AP4E1: variants seen among roughly 807,000 people sequenced by gnomAD.
AP4E1 encodes adaptor related protein complex 4 subunit epsilon 1, also known as AP-4 complex subunit epsilon-1.
A neutral mutation model predicts 128.2 loss-of-function variants in AP4E1; 56 were observed. The observed-to-expected ratio is 0.44, with a 90% CI of 0.35 to 0.55. The LOEUF (loss-of-function observed/expected upper bound fraction) is 0.55. AP4E1 is among the 20% of genes least tolerant of loss of function. The pLI, the probability that AP4E1 is intolerant of heterozygous loss-of-function variation, is 0.00. For synonymous variants in AP4E1, 484 were observed against 473.1 expected, an observed-to-expected ratio of 1.02 and a Z score of -0.30; for missense variants, 1,324 against 1,307.7, an observed-to-expected ratio of 1.01 and a Z score of -0.19.
At chr15:50,961,413 T>C (rs1403324643) in intron 14 of AP4E1, among the ~76,000 whole-genome samples, 2 of 151,970 alleles carry the variant, frequency 1.3e-5, no homozygotes, top group Non-Finnish European at 2.9e-5. Context: ...TACACTATGA[T>C]CAAGTGGAAT....
intron 16 of AP4E1, among the ~76,000 whole-genome samples, 194 bp downstream of exon 16, chr15:50,984,339 G>A (rs2064686357): frequency 6.6e-6 from 1 of 151,752 alleles, no homozygotes; most frequent in East Asian, 1.9e-4. Context: ...AAGTTCTAGG[G>A]TACAGGTTCA....
chr15:51,000,542 C>T (rs2064948928), intron 19 of AP4E1, among the ~76,000 whole-genome samples: 1 of 152,138 alleles, frequency 6.6e-6, no homozygotes, highest in Admixed American at 6.6e-5. Context: ...CTTCAAAAAA[C>T]TTACGTTGTG....
At chr15:50,960,861 A>G (rs1037189141) in intron 14 of AP4E1, among the ~76,000 whole-genome samples, 2 of 152,040 alleles carry the variant, frequency 1.3e-5, no homozygotes, top group Non-Finnish European at 2.9e-5. Flanking sequence ...TGAACAATAA[A>G]CAAAATTGAT....
intron 18 of AP4E1, among the ~76,000 whole-genome samples, chr15:50,998,561 C>T (rs934298660): frequency 1.3e-5 from 2 of 151,852 alleles, no homozygotes; most frequent in Non-Finnish European, 2.9e-5. Flanking sequence ...ACCTGGGAGA[C>T]GGAGGTTGCA....
chr15:50,961,407 C>G (rs2064311613), intron 14 of AP4E1, among the ~76,000 whole-genome samples: 1 of 151,770 alleles, frequency 6.6e-6, no homozygotes, highest in Non-Finnish European at 1.5e-5. Flanking sequence ...AGATAATACA[C>G]TATGATCAAG....
upstream of AP4E1, among the ~76,000 whole-genome samples, chr15:50,907,628 A>G (rs927323216): frequency 6.6e-6 from 1 of 152,158 alleles, no homozygotes; most frequent in Non-Finnish European, 1.5e-5. Flanking sequence ...TACCTTAGAA[A>G]ATTCTAGAAA....
chr15:50,998,839 C>A (rs531660686), intron 18 of AP4E1, among the ~76,000 whole-genome samples: 57 of 152,252 alleles, frequency 3.7e-4, no homozygotes, highest in Admixed American at 3.9e-4. Flanking sequence ...ACAGTTTTAA[C>A]TGTAATGCCA....
At chr15:50,941,183 G>A (rs2063981589) in intron 8 of AP4E1, among the ~76,000 whole-genome samples, 1 of 152,074 alleles carries the variant, frequency 6.6e-6, no homozygotes, top group Admixed American at 6.6e-5. Flanking sequence ...CATGGGAGGT[G>A]TTCAGTAAAT....
chr15:50,915,755 A>G (rs2063622989), intron 3 of AP4E1, 184 bp downstream of exon 3: 1 of 697,510 alleles, frequency 1.4e-6, no homozygotes, highest in South Asian at 2.0e-5. Flanking sequence ...TTCCTGATGC[A>G]TAGCATTTTG....
intron 15 of AP4E1, among the ~76,000 whole-genome samples, chr15:50,976,216 G>A (rs530849953): frequency 4.0e-4 from 61 of 152,212 alleles, no homozygotes; most frequent in African/African-American, 1.4e-3. Flanking sequence ...GGGATCCAAG[G>A]ATGGTTCAAC....
At chr15:50,941,881 G>C (rs1000988261) in intron 10 of AP4E1, 106 bp downstream of exon 10, 2 of 803,942 alleles carry the variant, frequency 2.5e-6, no homozygotes, top group South Asian at 1.5e-5. Flanking sequence ...ATGTTTGCTC[G>C]TGTGTATATT....
At chr15:50,922,234 G>A (rs2063713723) in intron 3 of AP4E1, among the ~76,000 whole-genome samples, 1 of 151,798 alleles carries the variant, frequency 6.6e-6, no homozygotes, top group African/African-American at 2.4e-5. Context: ...TTGGGAGGCT[G>A]AGGTGAAGGA....
intron 15 of AP4E1, among the ~76,000 whole-genome samples, chr15:50,976,334 A>G (rs1264582224): frequency 1.3e-5 from 2 of 152,228 alleles, no homozygotes; most frequent in African/African-American, 2.4e-5. Flanking sequence ...ATACCCTTTC[A>G]TGATTAAAAA....
intron 1 of AP4E1, 45 bp downstream of exon 1, chr15:50,908,973 C>A (rs995994792): frequency 2.4e-5 from 38 of 1,604,778 alleles, no homozygotes; most frequent in Non-Finnish European, 3.2e-5. Flanking sequence ...CGGAGTGAGG[C>A]CCCCGCGCCA....
intron 2 of AP4E1, among the ~76,000 whole-genome samples, chr15:50,914,947 T>A (rs1263972419): frequency 6.6e-6 from 1 of 152,204 alleles, no homozygotes; most frequent in Admixed American, 6.5e-5. Context: ...TATTCCATAT[T>A]GTACTTAGCA....
chr15:50,938,987 C>T (rs981958232), intron 8 of AP4E1, among the ~76,000 whole-genome samples: 6 of 152,260 alleles, frequency 3.9e-5, no homozygotes, highest in African/African-American at 1.2e-4. Flanking sequence ...GTCAGAAGAA[C>T]TTCACATTTT....
chr15:50,977,691 T>C (rs999028188), intron 15 of AP4E1, among the ~76,000 whole-genome samples: 1 of 149,256 alleles, frequency 6.7e-6, no homozygotes, highest in African/African-American at 2.5e-5. Flanking sequence ...ATCTTTTAAT[T>C]ATCAATCTGT....
At chr15:50,961,758 A>G (rs889627419) in intron 14 of AP4E1, among the ~76,000 whole-genome samples, 7 of 152,074 alleles carry the variant, frequency 4.6e-5, no homozygotes, top group Non-Finnish European at 7.4e-5. Context: ...AGCTAGAGCA[A>G]TCGGGCAAAA....
chr15:50,970,837 G>T (rs914683539), intron 15 of AP4E1, among the ~76,000 whole-genome samples: 1 of 152,110 alleles, frequency 6.6e-6, no homozygotes. Flanking sequence ...TCTTTTAAGT[G>T]GGGGAATTTG....
Sources: allele counts gnomAD v4.1 joint callset (sites outside exome capture counted in the v4.1 genomes callset), GRCh38; gene constraint gnomAD v4.1.1; transcripts MANE v1.5; gene names NCBI Gene and HGNC (gene_info 2026-07-23, HGNC 2026-07-21).